Variants in ACER3 observed in about 807,000 individuals in gnomAD.
ACER3 encodes alkCDase 3.
ACER3 carries 16 observed loss-of-function variants against 48.9 expected under a neutral mutation model. The observed-to-expected ratio is 0.33, with a 90% confidence interval of 0.22 to 0.50. ACER3 has a LOEUF of 0.50. ACER3 is among the 20% of genes least tolerant of loss of function. The pLI, the probability that ACER3 is intolerant of heterozygous loss-of-function variation, is 0.98. For synonymous variants in ACER3, 109 were observed against 107.8 expected, an observed-to-expected ratio of 1.01 and a Z score of -0.07; for missense variants, 227 against 326.0, an observed-to-expected ratio of 0.70 and a Z score of 2.34.
chr11:76,921,360 G>C (rs1383896359), intron 1 of ACER3, among the ~76,000 whole-genome samples: 2 of 152,152 alleles, frequency 1.3e-5, no homozygotes, highest in Non-Finnish European at 2.9e-5. Context: ...ACCAGAATGG[G>C]TTCAGAGAAG....
chr11:76,870,927 CATTT>C lies in ACER3; in HGVS notation c.103+9851_103+9854del, dbSNP rs1945226180. 2.6e-5 allele frequency among the ~76,000 whole-genome samples: 4 copies of C among 152,260 alleles called. No individual in the cohort carries two copies. In the South Asian group the frequency reaches 8.3e-4, roughly 32 times the overall value. On this transcript the variant is annotated intron_variant, in intron 1 of 10. Transcript: ENST00000532485. ...AGCCAGTAGAAATAATAATAGCTAA[CATTT>C]ATGGGGTTTAATGTACAAAGTTCTA...
At position 76,987,366 on chromosome 11, in the gene ACER3, G is replaced by A. The variant is rs1948707277; in HGVS notation, c.402+1642G>A. 1.3e-5 allele frequency among the ~76,000 whole-genome samples: 2 copies of A among 152,170 alleles called. 1 individual carries two copies. The highest frequency in any genetic ancestry group is 4.1e-4 in the South Asian group (2 of 4,822). On this transcript the variant is annotated intron_variant, in intron 5 of 10. Coordinates refer to ENST00000532485, the MANE Select transcript of ACER3 (RefSeq NM_018367.7). ...AAAGGAGTTGTCTAGAATGACTCCT[G>A]GCCTGGTTGTCAGGATAGATAGTAT... is the stretch of plus-strand genomic sequence containing the variant.
At chr11:76,916,712 A>G (rs1225151771) in intron 1 of ACER3, among the ~76,000 whole-genome samples, 1 of 152,234 alleles carries the variant, frequency 6.6e-6, no homozygotes, top group Non-Finnish European at 1.5e-5. Flanking sequence ...TTCATTACTG[A>G]ACATAGTTTG....
chr11:76,889,798 T>A (rs1945761462), intron 1 of ACER3, among the ~76,000 whole-genome samples: 1 of 151,708 alleles, frequency 6.6e-6, no homozygotes, highest in African/African-American at 2.4e-5. Context: ...TAAATTTACT[T>A]TTTTGTATGT....
chr11:76,864,390 TA>T (rs1301802968), intron 1 of ACER3, among the ~76,000 whole-genome samples: 6 of 152,212 alleles, frequency 3.9e-5, no homozygotes, highest in Admixed American at 2.6e-4. Flanking sequence ...CTGTGATCTT[TA>T]AAACTTTTTG....
intron 3 of ACER3, 35 bp from the exon 4 acceptor site, chr11:76,976,254 T>C: frequency 6.8e-7 from 1 of 1,471,176 alleles, no homozygotes; most frequent in Non-Finnish European, 9.4e-7. Flanking sequence ...TGCTCCATGA[T>C]ATTCAAGCCT....
intron 1 of ACER3, among the ~76,000 whole-genome samples, chr11:76,884,173 G>A (rs894931177): frequency 3.9e-5 from 6 of 151,990 alleles, no homozygotes; most frequent in East Asian, 1.9e-4. Flanking sequence ...TTTATTCGGC[G>A]GTAGACTCAA....
At chr11:76,906,446 A>G (rs1946233607) in intron 1 of ACER3, among the ~76,000 whole-genome samples, 1 of 152,114 alleles carries the variant, frequency 6.6e-6, no homozygotes, top group Non-Finnish European at 1.5e-5. Flanking sequence ...GCACAAGAGG[A>G]TTGTTTTCCA....
intron 2 of ACER3, among the ~76,000 whole-genome samples, chr11:76,934,132 C>T (rs547921362): frequency 5.3e-4 from 81 of 151,996 alleles, no homozygotes; most frequent in Non-Finnish European, 1.0e-3. Context: ...GATGGGAGGG[C>T]GGCCGGGCAG....
chr11:77,000,114 GA>G (rs1555019470), intron 7 of ACER3, among the ~76,000 whole-genome samples: 1 of 152,140 alleles, frequency 6.6e-6, no homozygotes, highest in Non-Finnish European at 1.5e-5. Flanking sequence ...ATCCTCACCA[GA>G]ATTTGGTAGT....
intron 3 of ACER3, among the ~76,000 whole-genome samples, chr11:76,967,114 G>C (rs1263649479): frequency 2.0e-5 from 3 of 152,094 alleles, no homozygotes; most frequent in Non-Finnish European, 4.4e-5. Flanking sequence ...AATCAAAAAT[G>C]ATAAAGGGGA....
intron 2 of ACER3, among the ~76,000 whole-genome samples, chr11:76,938,695 A>G (rs1340459573): frequency 6.6e-6 from 1 of 152,188 alleles, no homozygotes; most frequent in Non-Finnish European, 1.5e-5. Context: ...TGGATGAGCG[A>G]AGGCAAGGAA....
At chr11:76,958,624 G>A (rs1320956579) in intron 2 of ACER3, among the ~76,000 whole-genome samples, 1 of 152,180 alleles carries the variant, frequency 6.6e-6, no homozygotes, top group East Asian at 1.9e-4. Flanking sequence ...CTGGCTCTTA[G>A]TAAGCATACA....
At chr11:76,940,768 G>A (rs1410643466) in intron 2 of ACER3, among the ~76,000 whole-genome samples, 2 of 151,936 alleles carry the variant, frequency 1.3e-5, no homozygotes, top group Non-Finnish European at 2.9e-5. Flanking sequence ...TTAAGTATCC[G>A]TCCCTTCTAT....
At chr11:76,887,593 T>G (rs1945703668) in intron 1 of ACER3, among the ~76,000 whole-genome samples, 1 of 152,136 alleles carries the variant, frequency 6.6e-6, no homozygotes, top group Non-Finnish European at 1.5e-5. Context: ...GCTAATGTAA[T>G]AGGATTGTTG....
At chr11:76,956,269 A>G (rs1383621268) in intron 2 of ACER3, among the ~76,000 whole-genome samples, 1 of 152,228 alleles carries the variant, frequency 6.6e-6, no homozygotes, top group Non-Finnish European at 1.5e-5. Context: ...AAAATATTGC[A>G]TAGAGAATGC....
intron 1 of ACER3, among the ~76,000 whole-genome samples, chr11:76,924,973 CA>C (rs57093609): frequency 8.9e-5 from 7 of 78,592 alleles, no homozygotes; most frequent in Admixed American, 3.6e-4. Flanking sequence ...AAGACTCTGT[CA>C]AAAAAAAAAA....
rs925702079 is a variant in ACER3, at chr11:76,977,360, G to A, written c.320+1019G>A. On this transcript the variant is annotated intron_variant, in intron 4 of 10. Transcript: ENST00000532485. ...GAAGTGTAGAAGTGAGACCCTTCCT[G>A]TACTGCATGATCAAATAATGTGCCT... Among the ~76,000 whole-genome samples, 5 of 152,294 alleles carry A rather than the reference G, an allele frequency of 3.3e-5. No homozygotes were observed. The South Asian group carries it at 1.0e-3, about 32-fold the overall frequency.
chr11:77,000,312 A>T (rs1007350696), intron 7 of ACER3, among the ~76,000 whole-genome samples: 55 of 152,314 alleles, frequency 3.6e-4, no homozygotes, highest in Non-Finnish European at 1.8e-4. Flanking sequence ...TTGTTTTTAC[A>T]GTTGAGTTGT....
Sources: allele counts gnomAD v4.1 joint callset (sites outside exome capture counted in the v4.1 genomes callset), GRCh38; gene constraint gnomAD v4.1.1; transcripts MANE v1.5; gene names NCBI Gene and HGNC (gene_info 2026-07-23, HGNC 2026-07-21).